ZNF280C: variants seen among roughly 807,000 people sequenced by gnomAD.
The protein encoded by ZNF280C is zinc finger protein 280C.
In ZNF280C, 14 loss-of-function variants were observed where a neutral mutation model predicts 53.6. The observed-to-expected ratio is 0.26, with a 90% CI of 0.17 to 0.41. The LOEUF (loss-of-function observed/expected upper bound fraction) is 0.41. Among genes scored for constraint, ZNF280C ranks in the 10% least tolerant of loss-of-function variants. The pLI, the probability that ZNF280C is intolerant of heterozygous loss-of-function variation, is 1.00. For synonymous variants in ZNF280C, 203 were observed against 181.1 expected (o/e 1.12, Z -0.97); for missense variants, 416 against 547.1 (o/e 0.76, Z 2.39).
intron 2 of ZNF280C, among the ~76,000 whole-genome samples, chrX:130,250,386 T>C (rs900421953): frequency 1.8e-5 from 2 of 111,351 alleles, no homozygotes; most frequent in African/African-American, 6.5e-5. Context: ...AATAGGCCAC[T>C]AGCTAGACTA....
intron 12 of ZNF280C, 27 bp downstream of exon 12, chrX:130,226,732 G>C (rs2032225188): frequency 1.2e-5 from 14 of 1,189,554 alleles, no homozygotes; most frequent in Non-Finnish European, 1.5e-5. Flanking sequence ...AAGACAACAT[G>C]AACAAATAAG....
chrX:130,247,470 T>A (rs1288024181), intron 2 of ZNF280C, among the ~76,000 whole-genome samples: 1 of 111,737 alleles, frequency 8.9e-6, no homozygotes, highest in South Asian at 3.7e-4. Flanking sequence ...TGGTCTACAG[T>A]GGACCCTCCC....
At chrX:130,218,807 A>C (rs1265360693) in intron 13 of ZNF280C, among the ~76,000 whole-genome samples, 1 of 111,813 alleles carries the variant, frequency 8.9e-6, no homozygotes, top group Non-Finnish European at 1.9e-5. Context: ...CACATAGGTT[A>C]AATAATAAAA....
intron 12 of ZNF280C, among the ~76,000 whole-genome samples, chrX:130,221,242 A>G (rs892221592): frequency 1.8e-5 from 2 of 112,030 alleles, no homozygotes; most frequent in African/African-American, 6.5e-5. Flanking sequence ...GGTACAGTAA[A>G]CACAAACAGA....
intron 13 of ZNF280C, among the ~76,000 whole-genome samples, chrX:130,219,590 A>C (rs922955706): frequency 4.5e-5 from 5 of 110,127 alleles, no homozygotes; most frequent in African/African-American, 1.7e-4. Flanking sequence ...CTCATGAAAA[A>C]CAGCAATGCT....
chrX:130,238,011 T>C (rs1040411819), intron 6 of ZNF280C, among the ~76,000 whole-genome samples: 1 of 111,318 alleles, frequency 9.0e-6, no homozygotes, highest in East Asian at 2.8e-4. Context: ...TCTGACCCTT[T>C]AGCTTACTTA....
At chrX:130,251,000 G>T (rs1028454474) in intron 2 of ZNF280C, among the ~76,000 whole-genome samples, 6 of 109,635 alleles carry the variant, frequency 5.5e-5, no homozygotes, top group African/African-American at 2.0e-4. Context: ...GGGAGTCAGA[G>T]GCAGAAGATT....
At chrX:130,215,061 T>C (rs755667304) in intron 15 of ZNF280C, 132 bp downstream of exon 15, 1 of 583,222 alleles carries the variant, frequency 1.7e-6, no homozygotes, top group African/African-American at 2.4e-5. Context: ...AGGAACATCT[T>C]AGAAGTTCCC....
chrX:130,230,679 A>T lies in ZNF280C; in HGVS notation c.820T>A (p.Ser274Thr), dbSNP rs2032267567. The change falls in exon 9 of 19, where the codon TCA becomes ACA. Residue 274 changes from serine to threonine, a missense_variant. Physicochemically the swap from Ser to Thr is moderately conservative, Grantham distance 58. Around this residue, in one of 3 missense-constraint regions of ZNF280C, gnomAD observed 193 missense variants for 201.4 expected, o/e 0.96. Coordinates refer to ENST00000370978, the MANE Select transcript of ZNF280C (RefSeq NM_017666.5). The part of the protein sequence containing the change: ...ITKFLGVIVK[S>T]ERPCDEDKTD... ...TTGTCTTCATCACATGGACGTTCTGATTTAACAATTACTCCCAAAAATTTA... is the reference window on the plus strand; with the variant it reads ...TTGTCTTCATCACATGGACGTTCTGTTTTAACAATTACTCCCAAAAATTTA... 1.7e-6 allele frequency: 2 copies of T among 1,208,487 alleles called. No individual in the cohort carries two copies. The highest frequency in any genetic ancestry group is 2.2e-6 in the Non-Finnish European group (2 of 893,884).
chrX:130,246,174 G>A (rs1369371626), intron 3 of ZNF280C, among the ~76,000 whole-genome samples: 2 of 112,393 alleles, frequency 1.8e-5, no homozygotes, highest in African/African-American at 3.2e-5. Context: ...AAAGGTACTG[G>A]ACATGTTTTG....
chrX:130,235,327 C>T (rs1015984158), intron 8 of ZNF280C, among the ~76,000 whole-genome samples: 1 of 111,828 alleles, frequency 8.9e-6, no homozygotes, highest in Admixed American at 9.5e-5. Flanking sequence ...CCAGTCTGGC[C>T]AACATGGCAA....
intron 16 of ZNF280C, among the ~76,000 whole-genome samples, chrX:130,208,810 C>T (rs767847242): frequency 9.1e-6 from 1 of 109,676 alleles, no homozygotes; most frequent in Non-Finnish European, 1.9e-5. Context: ...ATTCTCCTGC[C>T]TCAGCCTCCC....
At chrX:130,251,304 A>AAAAAAAAAAAAAAAAAC (rs2032506688) in intron 2 of ZNF280C, among the ~76,000 whole-genome samples, 1 of 103,700 alleles carries the variant, frequency 9.6e-6, no homozygotes, top group Admixed American at 1.0e-4. Context: ...AAAAAAAAAA[A>AAAAAAAAAAAAAAAAAC]AAAGACCAGC....
At chrX:130,228,843 T>TTTTTTATGA in intron 10 of ZNF280C, 134 bp downstream of exon 10, 1 of 549,465 alleles carries the variant, frequency 1.8e-6, no homozygotes, top group South Asian at 5.1e-5. Context: ...AAAGTTATGA[T>TTTTTTATGA]TTTTTTTTTC....
chrX:130,218,202 T>A, intron 13 of ZNF280C, among the ~76,000 whole-genome samples: 1 of 111,468 alleles, frequency 9.0e-6, no homozygotes, highest in Non-Finnish European at 1.9e-5. Context: ...ACTAAAAGGC[T>A]TTCACAAATA....
chrX:130,237,675 T>C (rs2032349262), intron 6 of ZNF280C, among the ~76,000 whole-genome samples: 1 of 111,844 alleles, frequency 8.9e-6, no homozygotes, highest in South Asian at 3.7e-4. Context: ...AAAGTAAGTA[T>C]TACATTAATG....
At chrX:130,255,141 CTTTTTTT>C (rs754125713) in intron 2 of ZNF280C, among the ~76,000 whole-genome samples, 15 of 91,185 alleles carry the variant, frequency 1.6e-4, no homozygotes, top group African/African-American at 5.7e-4. Flanking sequence ...CTTTTTTTTT[CTTTTTTT>C]TTTTTTTTTT....
intron 12 of ZNF280C, among the ~76,000 whole-genome samples, chrX:130,225,282 A>T (rs982856657): frequency 3.6e-5 from 4 of 110,966 alleles, no homozygotes; most frequent in Non-Finnish European, 7.6e-5. Context: ...TTTATGTTCC[A>T]TTCTTCTTTT....
In ZNF280C at chrX:130,229,018, T is replaced by C; in HGVS notation, c.1106A>G (p.Gln369Arg). The change falls in exon 10 of 19, where the codon CAG (glutamine) becomes CGG (arginine). Residue 369 changes from glutamine (Q) to arginine (R), a missense_variant. Around this residue, in one of 3 missense-constraint regions of ZNF280C, gnomAD observed 72 missense variants for 168.8 expected, o/e 0.43. Coordinates refer to ENST00000370978, the MANE Select transcript of ZNF280C (RefSeq NM_017666.5). ...AGTGTGTGTACTCTCAATGTGGCAC[T>C]GCAGTTGGAAGGGTGTGGGATATTG... Reference protein sequence around the residue: ...YRQYPTPFQLQCHIESTHTPH... With the variant: ...YRQYPTPFQLRCHIESTHTPH... The C allele has an allele frequency of 8.3e-7, 1 of 1,208,197 alleles. No homozygotes were observed. Among genetic ancestry groups the C allele is most frequent in the Non-Finnish European group, 1.1e-6 (1 of 893,465 alleles).
Sources: gnomAD v4.1 joint callset for allele counts (sites outside exome capture counted in the v4.1 genomes callset) on GRCh38, gnomAD v4.1.1 for gene constraint, gnomAD v4.1.1 regional missense constraint, MANE v1.5 for transcripts, NCBI Gene and HGNC (gene_info 2026-07-23, HGNC 2026-07-21) for gene names.